Variants in SLC25A25 observed in about 807,000 individuals in gnomAD.
The protein encoded by SLC25A25 is mitochondrial adenyl nucleotide antiporter SLC25A25.
Under a neutral mutation model 57.7 loss-of-function variants are expected in SLC25A25, and 32 were observed. The observed-to-expected ratio is 0.55, with a 90% CI of 0.42 to 0.74. SLC25A25 has a LOEUF of 0.74. Ranked by LOEUF, SLC25A25 falls within the 30% of genes least tolerant of loss-of-function variation. The probability of loss-of-function intolerance (pLI) is 0.00; values close to 1 mark genes in which losing one functional copy is unlikely to be tolerated. For synonymous variants in SLC25A25, 306 were observed against 291.2 expected (o/e 1.05, Z -0.52); for missense variants, 556 against 701.3 (o/e 0.79, Z 2.34).
Position 128,105,764 on chromosome 9 carries a change from T to A in SLC25A25, c.819T>A (p.Val273=). The change falls in exon 7 of 11, where the codon GTT becomes GTA. Residue 273 remains valine (V), a synonymous_variant. Coordinates refer to ENST00000373069, the MANE Select transcript of SLC25A25 (RefSeq NM_001330988.2). The part of the protein sequence containing the change: ...HASRSNNMGI[V]GGFTQMIREG... Reference sequence around the variant, plus strand: ...CCCGCAGCAACAACATGGGCATCGTTGGTGGCTTCACTCAGATGATTCGAG... The same window carrying A: ...CCCGCAGCAACAACATGGGCATCGTAGGTGGCTTCACTCAGATGATTCGAG... The A allele has an allele frequency of 6.2e-7, 1 of 1,613,862 alleles. No homozygotes were observed. Among genetic ancestry groups the A allele is most frequent in the South Asian group, 1.1e-5 (1 of 91,074 alleles).
At chr9:128,088,190 A>T (rs1228245766) in intron 1 of SLC25A25, among the ~76,000 whole-genome samples, 1 of 152,214 alleles carries the variant, frequency 6.6e-6, no homozygotes, top group African/African-American at 2.4e-5. Flanking sequence ...GAACAAGGAC[A>T]GCATTTAGCC....
intron 1 of SLC25A25, among the ~76,000 whole-genome samples, chr9:128,089,804 T>C (rs1161322282): frequency 6.6e-6 from 1 of 152,074 alleles, no homozygotes; most frequent in Non-Finnish European, 1.5e-5. Context: ...TGGCTATTTT[T>C]TTTTTACTTT....
Position 128,102,595 on chromosome 9 carries a change from A to C in SLC25A25, c.624+114A>C. ...GGGCTTTCCAGCCACCTCCTCTTCC[A>C]CAGGAGACTGTCCCCTCTTCTGCCA... On this transcript the variant is annotated intron_variant, in intron 5 of 10. Transcript: ENST00000373069. The surrounding 1 kb of genome is among the most constrained non-coding windows in gnomAD (Gnocchi z 4.1). 1.3e-6 allele frequency: 1 copy of C among 763,056 alleles called. No individual in the cohort carries two copies. The highest frequency in any genetic ancestry group is 2.5e-5 in the Admixed American group (1 of 39,754). 47.3% of individuals were successfully genotyped at this position (763,056 alleles called of 1,614,324 possible). A position where few individuals can be genotyped will look rare whatever the true frequency, so the allele number is the denominator to read the frequency against.
At position 128,101,399 on chromosome 9, in the gene SLC25A25, G is replaced by A. The variant is rs1053678706; in HGVS notation, c.476+3G>A. On this transcript the variant is annotated splice_donor_region_variant and intron_variant, in intron 3 of 10. Transcript: ENST00000373069. This position sits in a 1 kb window ranked among gnomAD's most constrained non-coding sequence, Gnocchi z 4.9. ...CAGGCAGAAAAAATTCTCAAGAGGT[G>A]AGTGCTCAGCCAGCCTCTGTGTTTG... The A allele has an allele frequency of 1.9e-6, 3 of 1,613,914 alleles. No individual in the cohort carries two copies. Among genetic ancestry groups the A allele is most frequent in the African/African-American group, 2.7e-5 (2 of 74,952 alleles).
At chr9:128,069,014 A>T (rs1206601700) in intron 1 of SLC25A25, among the ~76,000 whole-genome samples, 1 of 151,970 alleles carries the variant, frequency 6.6e-6, no homozygotes, top group East Asian at 1.9e-4. Flanking sequence ...GGTTCCTCTC[A>T]GGAACATGTG....
At chr9:128,076,846 G>C (rs547959494) in intron 1 of SLC25A25, among the ~76,000 whole-genome samples, 1 of 152,102 alleles carries the variant, frequency 6.6e-6, no homozygotes, top group African/African-American at 2.4e-5. Context: ...GATGGGTGAC[G>C]GGCCATCATG....
At chr9:128,089,810 A>C (rs1272057097) in intron 1 of SLC25A25, among the ~76,000 whole-genome samples, 1 of 150,236 alleles carries the variant, frequency 6.7e-6, no homozygotes, top group African/African-American at 2.5e-5. Context: ...TTTTTTTTTT[A>C]CTTTTTGAAG....
chr9:128,082,003 C>T (rs988479274), intron 1 of SLC25A25, among the ~76,000 whole-genome samples: 4 of 152,180 alleles, frequency 2.6e-5, no homozygotes, highest in African/African-American at 9.7e-5. Flanking sequence ...AAATCCTACA[C>T]TTAAGAGTTG....
chr9:128,091,927 C>T (rs762611855), intron 1 of SLC25A25: 13 of 1,613,378 alleles, frequency 8.1e-6, no homozygotes, highest in South Asian at 4.4e-5. Context: ...CTGGGTGCCA[C>T]GGCTCCAGAG....
In SLC25A25 at chr9:128,099,100, T is replaced by C. The variant is rs1833681067; in HGVS notation, c.262-1996T>C. On this transcript the variant is annotated intron_variant, in intron 1 of 10. Transcript: ENST00000373069. This position sits in a 1 kb window ranked among gnomAD's most constrained non-coding sequence, Gnocchi z 6.8. ...CCCAGGAGTTGAGGGTGCTGCGTGG[T>C]GGAGCTGCCCGTCCCTGGTGTGGGG... 2.2e-5 allele frequency: 22 copies of C among 985,324 alleles called. No homozygotes were observed. The highest frequency in any genetic ancestry group is 2.7e-5 in the Non-Finnish European group (22 of 829,878). 61.0% of individuals were successfully genotyped at this position (985,324 alleles called of 1,614,324 possible). A position where few individuals can be genotyped will look rare whatever the true frequency, so the allele number is the denominator to read the frequency against.
At chr9:128,100,679 G>C (rs928479383) in intron 1 of SLC25A25, among the ~76,000 whole-genome samples, 1 of 152,228 alleles carries the variant, frequency 6.6e-6, no homozygotes, top group Non-Finnish European at 1.5e-5. Context: ...AGTCTCAGCA[G>C]GGAGCATGTG....
At position 128,095,127 on chromosome 9, in the gene SLC25A25, C is replaced by A. The variant is rs10819356; in HGVS notation, c.262-5969C>A. 0.13 allele frequency among the ~76,000 whole-genome samples: 19,081 copies of A among 152,258 alleles called. 1,307 individuals are homozygous for A. Among genetic ancestry groups the A allele is most frequent in the South Asian group, 0.22 (1,080 of 4,830 alleles). On this transcript the variant is annotated intron_variant, in intron 1 of 10. Coordinates refer to ENST00000373069, the MANE Select transcript of SLC25A25 (RefSeq NM_001330988.2). The surrounding 1 kb of genome is among the most constrained non-coding windows in gnomAD (Gnocchi z 4.4). The stretch of plus-strand genomic sequence containing the variant: ...ACAGAGGCATTCAGAAGCTGTGACA[C>A]AAACACCGTTTTTGGTTGTATTTAG...
chr9:128,081,246 C>G (rs1404968407), intron 1 of SLC25A25, among the ~76,000 whole-genome samples: 1 of 152,204 alleles, frequency 6.6e-6, no homozygotes, highest in South Asian at 2.1e-4. Context: ...TCTCTCCTGC[C>G]TGCAGTCCTT....
Position 128,099,226 on chromosome 9 carries a change from C to T in SLC25A25, c.262-1870C>T. 7.8e-7 allele frequency: 1 copy of T among 1,288,746 alleles called. No individual in the cohort carries two copies. Among genetic ancestry groups the T allele is most frequent in the Non-Finnish European group, 1.0e-6 (1 of 988,416 alleles). 79.8% of individuals were successfully genotyped at this position (1,288,746 alleles called of 1,614,324 possible). ...AAGCCGAGCTGCAGAGTCCGGAGGC[C>T]CCTTGCCACCTCGGCTTCTCGGTTA... On this transcript the variant is annotated intron_variant, in intron 1 of 10. Transcript: ENST00000373069. This position sits in a 1 kb window ranked among gnomAD's most constrained non-coding sequence, Gnocchi z 6.8.
Position 128,068,434 on chromosome 9 carries a change from G to C in SLC25A25, c.115G>C (p.Ala39Pro). Residue 39 changes from alanine (A) to proline (P), a missense_variant, in exon 1 of 11, where the codon GCT becomes CCT. By Grantham distance (27) the Ala-to-Pro change is conservative. Transcript: ENST00000373069. The part of the protein sequence containing the change: ...PASVGDPCGG[A>P]ICGGPDHRLR... ...GTCCGTGGGGGACCCCTGCGGCGGC[G>C]CTATCTGCGGGGGCCCGGACCACCG... 6.4e-7 allele frequency: 1 copy of C among 1,557,848 alleles called. No homozygotes were observed. Among genetic ancestry groups the C allele is most frequent in the East Asian group, 2.4e-5 (1 of 41,498 alleles).
At chr9:128,079,998 A>C (rs1313472553) in intron 1 of SLC25A25, among the ~76,000 whole-genome samples, 1 of 150,092 alleles carries the variant, frequency 6.7e-6, no homozygotes, top group Non-Finnish European at 1.5e-5. Flanking sequence ...TCAAAAAAAA[A>C]ATTAGCTGGT....
At chr9:128,091,930 C>A (rs763883340) in intron 1 of SLC25A25, 1 of 1,613,714 alleles carries the variant, frequency 6.2e-7, no homozygotes, top group Non-Finnish European at 8.5e-7. Flanking sequence ...GGTGCCACGG[C>A]TCCAGAGAGG....
intron 1 of SLC25A25, chr9:128,098,474 A>G (rs1833634969): frequency 2.0e-6 from 3 of 1,509,846 alleles, no homozygotes; most frequent in Admixed American, 2.2e-5. Context: ...AGCTGAGGCC[A>G]GGCTTGTCTT....
At chr9:128,080,478 G>A (rs569441821) in intron 1 of SLC25A25, among the ~76,000 whole-genome samples, 1 of 111,660 alleles carries the variant, frequency 9.0e-6, no homozygotes, top group South Asian at 3.2e-4. Flanking sequence ...CAACCTTGTT[G>A]GGCTTTTTTT....
Sources: allele counts gnomAD v4.1 joint callset (sites outside exome capture counted in the v4.1 genomes callset), GRCh38; gene constraint gnomAD v4.1.1; non-coding constraint Gnocchi (gnomAD v3.1); transcripts MANE v1.5; gene names NCBI Gene and HGNC (gene_info 2026-07-23, HGNC 2026-07-21).